Variants in STK32B observed in about 807,000 individuals in gnomAD.
STK32B encodes serine/threonine kinase 32B.
Under a neutral mutation model 52.6 loss-of-function variants are expected in STK32B, and 43 were observed. The ratio of observed to expected loss-of-function variants is 0.82; its 90% CI spans 0.64 to 1.05. The LOEUF (loss-of-function observed/expected upper bound fraction) is 1.05. Among genes scored for constraint, STK32B ranks in the 50% least tolerant of loss-of-function variants. The pLI, the probability that STK32B is intolerant of heterozygous loss-of-function variation, is 0.00. For synonymous variants in STK32B, 238 were observed against 204.3 expected, an observed-to-expected ratio of 1.17 and a Z score of -1.41; for missense variants, 621 against 534.6, an observed-to-expected ratio of 1.16 and a Z score of -1.59.
chr4:5,270,163 G>A (rs1436348605), intron 3 of STK32B, among the ~76,000 whole-genome samples: 1 of 152,168 alleles, frequency 6.6e-6, no homozygotes, highest in African/African-American at 2.4e-5. Context: ...AGAATGAATA[G>A]GATAGATGTA....
chr4:5,238,556 C>T (rs77115948), intron 3 of STK32B, among the ~76,000 whole-genome samples: 5,314 of 152,252 alleles, frequency 0.035, 196 homozygotes, highest in African/African-American at 0.095. Context: ...ACATTCAACC[C>T]GCTACAGAAG....
chr4:5,143,799 C>G (rs1716694666), intron 2 of STK32B, among the ~76,000 whole-genome samples: 1 of 74,404 alleles, frequency 1.3e-5, no homozygotes, highest in Non-Finnish European at 4.3e-5. Context: ...CCCCTTACTT[C>G]TGTCCCTGAC....
the STK32B span, among the ~76,000 whole-genome samples, chr4:5,039,149 G>T: frequency 1.3e-5 from 2 of 151,638 alleles, no homozygotes; most frequent in African/African-American, 4.8e-5. Context: ...ATCATGCCCA[G>T]ATATATATAT....
At chr4:5,356,036 C>T (rs1577388179) in intron 4 of STK32B, among the ~76,000 whole-genome samples, 2 of 152,138 alleles carry the variant, frequency 1.3e-5, no homozygotes, top group African/African-American at 4.8e-5. Context: ...CTGGGATTGG[C>T]TGGTTCCATG....
intron 3 of STK32B, among the ~76,000 whole-genome samples, chr4:5,231,673 C>G (rs1282508812): frequency 6.6e-6 from 1 of 151,980 alleles, no homozygotes; most frequent in Non-Finnish European, 1.5e-5. Flanking sequence ...AAGAGTAGTT[C>G]TCAATGGGAT....
At chr4:5,083,232 C>T (rs1219273142) in intron 1 of STK32B, among the ~76,000 whole-genome samples, 1 of 152,050 alleles carries the variant, frequency 6.6e-6, no homozygotes, top group Non-Finnish European at 1.5e-5. Context: ...TAAAATTTAG[C>T]TTTAGTTAAT....
intron 8 of STK32B, among the ~76,000 whole-genome samples, chr4:5,459,846 C>T (rs1716889851): frequency 6.6e-6 from 1 of 152,202 alleles, no homozygotes; most frequent in Non-Finnish European, 1.5e-5. Context: ...AACATGGGGG[C>T]TGAAAGTCTG....
chr4:5,454,377 C>G (rs1021081219), intron 7 of STK32B, among the ~76,000 whole-genome samples: 3 of 152,104 alleles, frequency 2.0e-5, no homozygotes, highest in African/African-American at 7.2e-5. Flanking sequence ...AGGGAAGGAC[C>G]TATTCCAGGC....
the STK32B span, among the ~76,000 whole-genome samples, chr4:5,033,464 T>C: frequency 3.1e-4 from 47 of 152,310 alleles, no homozygotes; most frequent in African/African-American, 1.1e-3. Flanking sequence ...AGGAAGTGGG[T>C]GAGAACAACT....
intron 7 of STK32B, among the ~76,000 whole-genome samples, chr4:5,447,779 C>A (rs1282953105): frequency 1.3e-5 from 2 of 152,218 alleles, no homozygotes; most frequent in African/African-American, 4.8e-5. Flanking sequence ...TCCTTTCTGT[C>A]TATTTAGCGG....
At chr4:5,177,209 G>A (rs930240277) in intron 3 of STK32B, among the ~76,000 whole-genome samples, 3 of 152,154 alleles carry the variant, frequency 2.0e-5, no homozygotes, top group Non-Finnish European at 4.4e-5. Context: ...GGAGGCCTCA[G>A]GAAACTTATA....
chr4:5,067,400 C>T (rs1742464980), intron 1 of STK32B, among the ~76,000 whole-genome samples: 1 of 152,128 alleles, frequency 6.6e-6, no homozygotes, highest in African/African-American at 2.4e-5. Flanking sequence ...AGGATGGGGT[C>T]TGTGGCTCTT....
chr4:5,474,918 T>C (rs1414788169), intron 11 of STK32B, among the ~76,000 whole-genome samples: 1 of 152,100 alleles, frequency 6.6e-6, no homozygotes, highest in African/African-American at 2.4e-5. Flanking sequence ...GCTCAGGCGA[T>C]TGAGCAAGGC....
intron 4 of STK32B, among the ~76,000 whole-genome samples, chr4:5,341,849 CT>C (rs1050340272): frequency 3.6e-4 from 55 of 152,110 alleles, no homozygotes; most frequent in African/African-American, 1.3e-3. Flanking sequence ...GTGCTATACA[CT>C]TTTTTTTAAA....
At chr4:5,379,192 C>G (rs925975755) in intron 4 of STK32B, among the ~76,000 whole-genome samples, 1 of 152,150 alleles carries the variant, frequency 6.6e-6, no homozygotes, top group South Asian at 2.1e-4. Flanking sequence ...CGGAGCTGGA[C>G]TGGAACCCAG....
chr4:5,497,436 C>A (rs1490283926), intron 11 of STK32B, among the ~76,000 whole-genome samples: 1 of 152,212 alleles, frequency 6.6e-6, no homozygotes, highest in Non-Finnish European at 1.5e-5. Flanking sequence ...CGAAGGGAGC[C>A]TCCCAGCTCT....
chr4:5,285,332 A>T (rs1728478339), intron 3 of STK32B, among the ~76,000 whole-genome samples: 1 of 152,138 alleles, frequency 6.6e-6, no homozygotes. Context: ...ATAAAATGAT[A>T]AAAATATATC....
At chr4:5,128,423 C>A (rs1715543975) in intron 1 of STK32B, among the ~76,000 whole-genome samples, 1 of 152,146 alleles carries the variant, frequency 6.6e-6, no homozygotes, top group African/African-American at 2.4e-5. Flanking sequence ...CACCAGCATC[C>A]AAATTATCTT....
chr4:5,155,674 C>G (rs747611894), intron 2 of STK32B, among the ~76,000 whole-genome samples: 6 of 152,202 alleles, frequency 3.9e-5, no homozygotes, highest in East Asian at 3.9e-4. Flanking sequence ...TGAATTCTCA[C>G]GAGAGCTGAT....
Sources: allele counts gnomAD v4.1 joint callset (sites outside exome capture counted in the v4.1 genomes callset), GRCh38; gene constraint gnomAD v4.1.1; transcripts MANE v1.5; gene names NCBI Gene and HGNC (gene_info 2026-07-23, HGNC 2026-07-21).